The following GGT1 variants were observed in gnomAD, a reference collection of about 807,000 sequenced individuals.
GGT1 encodes the protein gamma-glutamyltransferase 1, also known as glutathione hydrolase 1 proenzyme.
Under a neutral mutation model 56.0 loss-of-function variants are expected in GGT1, and 21 were observed. That is an observed-to-expected ratio of 0.38 (90% CI 0.27 to 0.54). The LOEUF (loss-of-function observed/expected upper bound fraction) is 0.54, where lower values mean the gene tolerates loss of function less well. Among genes scored for constraint, GGT1 ranks in the 20% least tolerant of loss-of-function variants. GGT1 has a pLI of 0.82. For missense variants in GGT1, 466 were observed against 787.0 expected (o/e 0.59, Z 4.88); for synonymous variants, 238 against 342.6 (o/e 0.69, Z 3.37).
chr22:24,620,610 G>A lies in GGT1; in HGVS notation c.575+90G>A. 6.2e-7 allele frequency: 1 copy of A among 1,600,206 alleles called. No individual in the cohort carries two copies. Among genetic ancestry groups the A allele is most frequent in the Non-Finnish European group, 8.5e-7 (1 of 1,173,902 alleles). On this transcript the variant is annotated intron_variant, in intron 8 of 15. Coordinates refer to ENST00000400382, the MANE Select transcript of GGT1 (RefSeq NM_001288833.2). This position sits in a 1 kb window ranked among gnomAD's most constrained non-coding sequence, Gnocchi z 5.6. Reference sequence around the variant, plus strand: ...CGTAGCAGCAGTGGAGCAGCCCTCTGCCTTCAGGACCCTGTGCTGATAATG... The same window carrying A: ...CGTAGCAGCAGTGGAGCAGCCCTCTACCTTCAGGACCCTGTGCTGATAATG...
At chr22:24,593,215 G>T, upstream of GGT1, 2 of 598,310 alleles carry the variant, frequency 3.3e-6, no homozygotes, top group Non-Finnish European at 2.1e-6. Context: ...CCTCGGTTTG[G>T]CCTGATCACA....
upstream of GGT1, among the ~76,000 whole-genome samples, chr22:24,602,431 G>C (rs1214733550): frequency 2.0e-5 from 3 of 152,228 alleles, no homozygotes; most frequent in Non-Finnish European, 4.4e-5. Context: ...CGTGAGCCTT[G>C]CTAAGAGTGA....
intron 3 of GGT1, 108 bp from the exon 4 acceptor site, chr22:24,610,142 C>G: frequency 2.5e-6 from 1 of 393,162 alleles, no homozygotes; most frequent in South Asian, 1.9e-5. Flanking sequence ...AATGCCCTGT[C>G]CCCTACCTGC....
At chr22:24,597,579 G>A (rs1002409618) in intron 1 of GGT1, among the ~76,000 whole-genome samples, 1 of 152,168 alleles carries the variant, frequency 6.6e-6, no homozygotes, top group African/African-American at 2.4e-5. Flanking sequence ...TACTCAGGAG[G>A]CTGAGGCAGG....
chr22:24,605,585 TATAATATTATATAATGTGTATTATA>T lies in GGT1; in HGVS notation c.-429+2059_-429+2083del, dbSNP rs2046145883. On this transcript the variant is annotated intron_variant, in intron 1 of 15. Transcript: ENST00000400382. ...AATATTATATAATGTGTATTATATA[TATAATATTATATAATGTGTATTATA>T]TATATAATATTATATAATGTGTATT... Among the ~76,000 whole-genome samples, 9 of 56,126 alleles carry T rather than the reference TATAATATTATATAATGTGTATTATA, an allele frequency of 1.6e-4. 4 individuals are homozygous for T. The highest frequency in any genetic ancestry group is 1.4e-3 in the African/African-American group (9 of 6,238). The allele number at this position is 56,126 out of a possible 152,430, so 36.8% of individuals were successfully genotyped here. A position where few individuals can be genotyped will look rare whatever the true frequency, so the allele number is the denominator to read the frequency against.
At chr22:24,600,347 T>A (rs2045762755), upstream of GGT1, among the ~76,000 whole-genome samples, 1 of 152,250 alleles carries the variant, frequency 6.6e-6, no homozygotes. Flanking sequence ...GCTGCTGTGA[T>A]ACCCACACTA....
rs1452555464 is a variant in GGT1, at chr22:24,623,216, C to T, written c.843C>T (p.Leu281=). The change falls in exon 10 of 16, where the codon CTC becomes CTT. Residue 281 remains leucine (L), a synonymous_variant. Coordinates refer to ENST00000400382, the MANE Select transcript of GGT1 (RefSeq NM_001288833.2). ...TGCTGTACATGCCCAGTGCGCCGCT[C>T]AGCGGGCCCGTGCTGGCCCTCATCC... ...DVVLYMPSAP[L]SGPVLALILN... is the part of the protein sequence containing the mutation. 3 of 1,598,780 alleles carry T rather than the reference C, an allele frequency of 1.9e-6. No homozygotes were observed. Among genetic ancestry groups the T allele is most frequent in the African/African-American group, 2.7e-5 (2 of 74,392 alleles).
the GGT1 span, chr22:24,589,395 T>A: frequency 1.9e-6 from 2 of 1,080,766 alleles, no homozygotes; most frequent in Non-Finnish European, 2.3e-6. Flanking sequence ...GATGGAGACC[T>A]GCGGACAGAC....
intron 5 of GGT1, among the ~76,000 whole-genome samples, chr22:24,613,372 C>T (rs2330840): frequency 3.9e-4 from 60 of 152,072 alleles, no homozygotes; most frequent in Admixed American, 1.0e-3. Context: ...CATCTCTAGC[C>T]GGGAAAAAAA....
the GGT1 span, chr22:24,585,973 A>G: frequency 1.2e-6 from 2 of 1,610,216 alleles, no homozygotes; most frequent in Non-Finnish European, 8.5e-7. Context: ...CCCCGGCCGC[A>G]CTGCCCTCAG....
chr22:24,628,949 A>G lies in GGT1; in HGVS notation c.*110A>G. 6.5e-7 allele frequency: 1 copy of G among 1,541,342 alleles called. No homozygotes were observed. Among genetic ancestry groups the G allele is most frequent in the South Asian group, 1.2e-5 (1 of 85,092 alleles). ...CCCCTGTGAGCAGCAGAGCAGCACA[A>G]TAAATGAGGCCACTGTGCCAGGCTC... On this transcript the variant is annotated 3_prime_UTR_variant, in exon 16 of 16. Coordinates refer to ENST00000400382, the MANE Select transcript of GGT1 (RefSeq NM_001288833.2). This position sits in a 1 kb window ranked among gnomAD's most constrained non-coding sequence, Gnocchi z 5.7.
intron 1 of GGT1, among the ~76,000 whole-genome samples, chr22:24,606,906 C>T (rs953546382): frequency 2.3e-4 from 35 of 151,504 alleles, no homozygotes; most frequent in Non-Finnish European, 4.0e-4. Context: ...GGCCCAGGAG[C>T]AGGGGAGGGA....
At position 24,620,987 on chromosome 22, in the gene GGT1, A is replaced by C. The variant is rs1451931480; in HGVS notation, c.650A>C (p.Tyr217Ser). The C allele has an allele frequency of 1.2e-6, 2 of 1,611,850 alleles. No homozygotes were observed. The highest frequency in any genetic ancestry group is 1.7e-6 in the Non-Finnish European group (2 of 1,179,796). ...RLTLPQLADT[Y>S]ETLAIEGAQA... ...ACCCTGCCGCAGCTGGCTGACACCT[A>C]CGAGACGCTGGCCATCGAGGGTGCC... Residue 217 changes from tyrosine (Y) to serine (S), a missense_variant, in exon 9 of 16, where the codon TAC becomes TCC. By Grantham distance (144) the Tyr-to-Ser change is moderately radical. This residue lies in a region of GGT1 where 456 missense variants were observed against 716.7 expected (regional missense o/e 0.64). Coordinates refer to ENST00000400382, the MANE Select transcript of GGT1 (RefSeq NM_001288833.2). The surrounding 1 kb of genome is among the most constrained non-coding windows in gnomAD (Gnocchi z 5.6).
Position 24,628,114 on chromosome 22 carries a change from T to C in GGT1, c.1370T>C (p.Ile457Thr). The C allele has an allele frequency of 1.9e-6, 3 of 1,611,886 alleles. No homozygotes were observed. The highest frequency in any genetic ancestry group is 2.5e-6 in the Non-Finnish European group (3 of 1,179,824). ...KQPLSSMCPT[I>T]MVGQDGQVRM... ...CCGCTCTCGTCCATGTGCCCGACGA[T>C]CATGGTGGGCCAGGACGGCCAGGTC... The change falls in exon 14 of 16, where the codon ATC (isoleucine) becomes ACC (threonine). Residue 457 changes from isoleucine (I) to threonine (T), a missense_variant. By Grantham distance (89) the Ile-to-Thr change is moderately conservative (BLOSUM62 -1). This residue lies in a region of GGT1 where 456 missense variants were observed against 716.7 expected (regional missense o/e 0.64). Transcript: ENST00000400382. This position sits in a 1 kb window ranked among gnomAD's most constrained non-coding sequence, Gnocchi z 5.7.
intron 1 of GGT1, among the ~76,000 whole-genome samples, chr22:24,595,289 G>A (rs566447756): frequency 2.6e-5 from 4 of 152,326 alleles, no homozygotes; most frequent in Admixed American, 2.6e-4. Flanking sequence ...CCTAGGGCGA[G>A]TGGGCTTTTG....
upstream of GGT1, chr22:24,599,226 G>A (rs2147195781): frequency 1.3e-5 from 2 of 152,412 alleles, no homozygotes; most frequent in South Asian, 4.1e-4. Flanking sequence ...GTGAGATGCA[G>A]TGCCAGAGGG....
In GGT1 at chr22:24,614,766, C is replaced by G. The variant is rs770567986; in HGVS notation, c.165-10C>G. On this transcript the variant is annotated splice_polypyrimidine_tract_variant and intron_variant, in intron 5 of 15. Transcript: ENST00000400382. ...TGCAGGTTCTCATGCCTTTATGTGC[C>G]ACATGGCAGGGATGCACTGCGGGAC... is the stretch of plus-strand genomic sequence containing the variant. 1.2e-6 allele frequency: 2 copies of G among 1,613,312 alleles called. No individual in the cohort carries two copies. The highest frequency in any genetic ancestry group is 2.2e-5 in the South Asian group (2 of 91,034).
chr22:24,608,549 G>C (rs951193913), intron 2 of GGT1, among the ~76,000 whole-genome samples: 41 of 152,372 alleles, frequency 2.7e-4, no homozygotes, highest in African/African-American at 9.4e-4. Context: ...CCAGTGGACG[G>C]GACTGGGTAG....
At chr22:24,606,056 AT>A (rs1216956406) in intron 1 of GGT1, among the ~76,000 whole-genome samples, 1 of 57,948 alleles carries the variant, frequency 1.7e-5, no homozygotes, top group Non-Finnish European at 3.4e-5. Context: ...CATATATTAT[AT>A]TTATATAATT....
Sources: allele counts gnomAD v4.1 joint callset (sites outside exome capture counted in the v4.1 genomes callset), GRCh38; gene constraint gnomAD v4.1.1; regional missense constraint gnomAD v4.1.1; non-coding constraint Gnocchi (gnomAD v3.1); transcripts MANE v1.5; gene names NCBI Gene and HGNC (gene_info 2026-07-23, HGNC 2026-07-21).